Variants in TANGO6 observed in about 807,000 individuals in gnomAD.
TANGO6 encodes transport and Golgi organization protein 6 homolog.
In TANGO6, 90 loss-of-function variants were observed where a neutral mutation model predicts 114.2. The observed-to-expected ratio is 0.79, with a 90% CI of 0.66 to 0.94. The LOEUF is 0.94. Among genes scored for constraint, TANGO6 ranks in the 40% least tolerant of loss-of-function variants. The pLI is 0.00. For missense variants in TANGO6, 1,274 were observed against 1,315.3 expected (o/e 0.97, Z 0.49); for synonymous variants, 477 against 509.8 (o/e 0.94, Z 0.87).
chr16:68,942,756 A>G (rs1422734684), intron 14 of TANGO6, among the ~76,000 whole-genome samples: 4 of 152,182 alleles, frequency 2.6e-5, no homozygotes, highest in Non-Finnish European at 1.5e-5. Flanking sequence ...GTTGAAGGAG[A>G]GAGTTATCAT....
At chr16:69,044,317 G>T (rs1959816969) in intron 17 of TANGO6, among the ~76,000 whole-genome samples, 2 of 152,114 alleles carry the variant, frequency 1.3e-5, no homozygotes, top group African/African-American at 4.8e-5. Flanking sequence ...CACTGTGCCT[G>T]GCCCTGCATT....
intron 17 of TANGO6, among the ~76,000 whole-genome samples, chr16:69,075,034 G>A (rs1960353803): frequency 6.6e-6 from 1 of 151,808 alleles, no homozygotes; most frequent in South Asian, 2.1e-4. Flanking sequence ...TAGAGACGGG[G>A]TTTCGCCATG....
chr16:68,851,457 C>T lies in TANGO6; in HGVS notation c.94+7746C>T, dbSNP rs553136550. Reference sequence around the variant, plus strand: ...ACAGGCATGAGCCACCACGCCCGGCCTGCATCTTACTTTTTAAATTTAGTG... The same window carrying T: ...ACAGGCATGAGCCACCACGCCCGGCTTGCATCTTACTTTTTAAATTTAGTG... On this transcript the variant is annotated intron_variant, in intron 1 of 17. Transcript: ENST00000261778. 2.6e-5 allele frequency among the ~76,000 whole-genome samples: 4 copies of T among 152,328 alleles called. No homozygotes were observed. The South Asian group carries it at 8.3e-4, about 32-fold the overall frequency.
At chr16:68,916,446 C>T (rs543743224) in intron 11 of TANGO6, among the ~76,000 whole-genome samples, 58 of 151,964 alleles carry the variant, frequency 3.8e-4, no homozygotes, top group South Asian at 1.5e-3. Context: ...AACCATTCCC[C>T]GCCCCTCTCC....
Position 68,874,661 on chromosome 16 carries a change from C to T in TANGO6, c.995-493C>T, listed in dbSNP as rs968465944. 2.0e-4 allele frequency among the ~76,000 whole-genome samples: 31 copies of T among 151,906 alleles called. 1 individual carries two copies. The highest frequency in any genetic ancestry group is 5.6e-4 in the African/African-American group (23 of 41,372). ...TCCCAGAAACTAGCATCAAAAGGAA[C>T]GTATAGGCCAGGCGCGGTGGCTCAT... is the stretch of plus-strand genomic sequence containing the variant. On this transcript the variant is annotated intron_variant, in intron 4 of 17. Coordinates refer to ENST00000261778, the MANE Select transcript of TANGO6 (RefSeq NM_024562.2).
chr16:68,962,878 G>A (rs1435263938), intron 14 of TANGO6, among the ~76,000 whole-genome samples: 1 of 151,068 alleles, frequency 6.6e-6, no homozygotes, highest in Admixed American at 6.6e-5. Context: ...TCAGGAGATC[G>A]AGACCATCTC....
At chr16:68,993,057 G>C (rs1293177153) in intron 15 of TANGO6, among the ~76,000 whole-genome samples, 1 of 151,536 alleles carries the variant, frequency 6.6e-6, no homozygotes, top group African/African-American at 2.4e-5. Context: ...GACAGAGGGA[G>C]ACTCTGTCTC....
intron 17 of TANGO6, among the ~76,000 whole-genome samples, chr16:69,062,827 G>C (rs957329669): frequency 6.7e-6 from 1 of 149,882 alleles, no homozygotes; most frequent in African/African-American, 2.5e-5. Flanking sequence ...CAGGCGCAGT[G>C]CCTCATGCCT....
At chr16:69,020,353 A>G (rs569694045) in intron 15 of TANGO6, among the ~76,000 whole-genome samples, 1 of 152,326 alleles carries the variant, frequency 6.6e-6, no homozygotes, top group South Asian at 2.1e-4. Context: ...GGGATCAGAG[A>G]TGAAGGAGTC....
At chr16:69,070,371 G>A (rs889068226) in intron 17 of TANGO6, among the ~76,000 whole-genome samples, 62 of 152,002 alleles carry the variant, frequency 4.1e-4, no homozygotes, top group African/African-American at 1.4e-3. Context: ...AGTGGCTCAC[G>A]CCTGTAATCC....
intron 14 of TANGO6, among the ~76,000 whole-genome samples, chr16:68,956,579 A>G (rs754735138): frequency 1.3e-5 from 2 of 152,154 alleles, no homozygotes; most frequent in Admixed American, 6.6e-5. Context: ...GAGGCCAGGC[A>G]CAGTGGCTCA....
intron 17 of TANGO6, among the ~76,000 whole-genome samples, chr16:69,058,018 G>T (rs1960059447): frequency 6.6e-6 from 1 of 152,192 alleles, no homozygotes; most frequent in Non-Finnish European, 1.5e-5. Context: ...CCAAGCTGGG[G>T]AGTCAGTCCT....
At chr16:68,851,369 A>G (rs1961900220) in intron 1 of TANGO6, among the ~76,000 whole-genome samples, 1 of 152,244 alleles carries the variant, frequency 6.6e-6, no homozygotes, top group Admixed American at 6.5e-5. Flanking sequence ...CATGTTGGTC[A>G]GGCTGGCCTC....
intron 15 of TANGO6, among the ~76,000 whole-genome samples, chr16:69,005,561 G>T: frequency 6.6e-6 from 1 of 152,172 alleles, no homozygotes; most frequent in South Asian, 2.1e-4. Flanking sequence ...ATCCCAGGAG[G>T]CCAAGGCAGG....
intron 17 of TANGO6, among the ~76,000 whole-genome samples, chr16:69,046,875 T>G (rs772718501): frequency 6.6e-6 from 1 of 152,070 alleles, no homozygotes; most frequent in Non-Finnish European, 1.5e-5. Context: ...AGAAAAAGAT[T>G]TAAAATATGA....
At chr16:69,011,112 G>T (rs1272932059) in intron 15 of TANGO6, among the ~76,000 whole-genome samples, 1 of 152,064 alleles carries the variant, frequency 6.6e-6, no homozygotes, top group Non-Finnish European at 1.5e-5. Context: ...TTCGATTTTT[G>T]GAAAATATAA....
chr16:68,851,427 G>C (rs535142724), intron 1 of TANGO6, among the ~76,000 whole-genome samples: 1 of 152,092 alleles, frequency 6.6e-6, no homozygotes, highest in Non-Finnish European at 1.5e-5. Context: ...CAAAGTGCTG[G>C]GATTACAGGC....
chr16:69,060,592 T>C (rs992679732), intron 17 of TANGO6, among the ~76,000 whole-genome samples: 17 of 149,166 alleles, frequency 1.1e-4, no homozygotes, highest in Admixed American at 2.0e-4. Flanking sequence ...AGACTCTGTC[T>C]CTTAAAAAAA....
At chr16:68,917,912 C>T (rs900093819) in intron 11 of TANGO6, among the ~76,000 whole-genome samples, 5 of 149,512 alleles carry the variant, frequency 3.3e-5, no homozygotes, top group African/African-American at 1.2e-4. Context: ...GCCACTATGC[C>T]TGGCTAATTT....
Sources: gnomAD v4.1 joint callset for allele counts (sites outside exome capture counted in the v4.1 genomes callset) on GRCh38, gnomAD v4.1.1 for gene constraint, MANE v1.5 for transcripts, NCBI Gene and HGNC (gene_info 2026-07-23, HGNC 2026-07-21) for gene names.